Variants in FGD6 observed in about 807,000 individuals in gnomAD.
FGD6 encodes the protein FYVE, RhoGEF and PH domain-containing protein 6.
A neutral mutation model predicts 149.4 loss-of-function variants in FGD6; 90 were observed. That is an observed-to-expected ratio of 0.60 (90% CI 0.51 to 0.72). The LOEUF (loss-of-function observed/expected upper bound fraction) is 0.72, where lower values mean the gene tolerates loss of function less well. Ranked by LOEUF, FGD6 falls within the 30% of genes least tolerant of loss-of-function variation. FGD6 has a pLI of 0.00. For synonymous variants in FGD6, 527 were observed against 584.0 expected (o/e 0.90, Z 1.41); for missense variants, 1,437 against 1,684.8 (o/e 0.85, Z 2.57).
intron 2 of FGD6, among the ~76,000 whole-genome samples, chr12:95,181,974 A>T (rs1324148903): frequency 6.6e-6 from 1 of 151,948 alleles, no homozygotes; most frequent in Non-Finnish European, 1.5e-5. Context: ...CAAGTTCCCA[A>T]TCCAATTCCA....
intron 8 of FGD6, among the ~76,000 whole-genome samples, chr12:95,120,248 AATAAATAAATAAAT>A (rs1470113893): frequency 6.6e-6 from 1 of 151,664 alleles, no homozygotes; most frequent in Non-Finnish European, 1.5e-5. Context: ...AATAAAAATA[AATAAATAAATAAAT>A]AAATAAAGCA....
rs192279974 is a variant in FGD6 at position 95,101,862 on chromosome 12, T to C, written c.3497+3145A>G. On this transcript the variant is annotated intron_variant, in intron 14 of 20. Coordinates refer to ENST00000343958, the MANE Select transcript of FGD6 (RefSeq NM_018351.4). ...CACACCCGGCTAATTTTTGTATTTT[T>C]AGTAGAGACGGGGTTTCCCCACGTT... is the stretch of plus-strand genomic sequence containing the variant. Among the ~76,000 whole-genome samples the C allele has an allele frequency of 3.1e-4, 47 of 151,910 alleles. No homozygotes were observed. In the East Asian group the frequency reaches 8.1e-3, roughly 26 times the overall value.
At chr12:95,178,212 T>C (rs1881187061) in intron 2 of FGD6, among the ~76,000 whole-genome samples, 1 of 152,180 alleles carries the variant, frequency 6.6e-6, no homozygotes, top group Non-Finnish European at 1.5e-5. Context: ...ACTTGTGAAA[T>C]AGGCATAGTT....
At chr12:95,088,884 T>C (rs1319967994) in intron 18 of FGD6, among the ~76,000 whole-genome samples, 2 of 152,226 alleles carry the variant, frequency 1.3e-5, no homozygotes, top group Non-Finnish European at 2.9e-5. Context: ...CCTTCCACTA[T>C]GTATGCTAGA....
At chr12:95,108,864 TTG>T (rs1878719619) in intron 9 of FGD6, among the ~76,000 whole-genome samples, 1 of 152,206 alleles carries the variant, frequency 6.6e-6, no homozygotes, top group Non-Finnish European at 1.5e-5. Flanking sequence ...CAGGGTTGTT[TTG>T]TGCTGTGATT....
chr12:95,201,089 A>G (rs2056658053), intron 2 of FGD6, among the ~76,000 whole-genome samples: 1 of 152,174 alleles, frequency 6.6e-6, no homozygotes, highest in African/African-American at 2.4e-5. Context: ...CCAGGAATAG[A>G]TAATGAATTT....
chr12:95,112,771 T>A (rs6538594), intron 9 of FGD6, among the ~76,000 whole-genome samples: 2 of 151,940 alleles, frequency 1.3e-5, no homozygotes, highest in Non-Finnish European at 2.9e-5. Context: ...GGAACTCCAA[T>A]TATCCCACTA....
At chr12:95,153,712 G>A (rs1880374323) in intron 3 of FGD6, among the ~76,000 whole-genome samples, 2 of 151,972 alleles carry the variant, frequency 1.3e-5, no homozygotes, top group African/African-American at 4.8e-5. Context: ...TATCCAATAG[G>A]AATGTAGATG....
At chr12:95,139,933 G>A (rs925361996) in intron 6 of FGD6, among the ~76,000 whole-genome samples, 5 of 152,024 alleles carry the variant, frequency 3.3e-5, no homozygotes, top group African/African-American at 4.8e-5. Flanking sequence ...CACCGTGCTC[G>A]GCCTATCACG....
At chr12:95,152,747 A>C in intron 5 of FGD6, 64 bp downstream of exon 5, 3 of 1,453,774 alleles carry the variant, frequency 2.1e-6, no homozygotes, top group Non-Finnish European at 2.8e-6. Flanking sequence ...GAAAACTTCT[A>C]GGGGTAGGGA....
chr12:95,200,028 A>G (rs1881831088), intron 2 of FGD6, among the ~76,000 whole-genome samples: 1 of 152,244 alleles, frequency 6.6e-6, no homozygotes, highest in African/African-American at 2.4e-5. Flanking sequence ...CAGTTGCCCA[A>G]CAATTCAAAA....
intron 2 of FGD6, among the ~76,000 whole-genome samples, chr12:95,194,857 TTCTC>T (rs1332153638): frequency 1.3e-5 from 2 of 152,188 alleles, no homozygotes; most frequent in Admixed American, 1.3e-4. Context: ...GCAGACTAGT[TTCTC>T]TCTCTATTGT....
At chr12:95,196,989 G>C (rs1027190322) in intron 2 of FGD6, among the ~76,000 whole-genome samples, 1 of 152,128 alleles carries the variant, frequency 6.6e-6, no homozygotes, top group Non-Finnish European at 1.5e-5. Context: ...GTTTTACCTT[G>C]GAAGTAGATT....
Position 95,133,522 on chromosome 12 carries a change from A to C in FGD6, c.3082+1217T>G, listed in dbSNP as rs577536236. The stretch of plus-strand genomic sequence containing the variant: ...TTTCAGGATTCACCTATTATCTCCA[A>C]TATAGCTCTTGGCTTAAGAGAGTGA... On this transcript the variant is annotated intron_variant, in intron 8 of 20. Coordinates refer to ENST00000343958, the MANE Select transcript of FGD6 (RefSeq NM_018351.4). Among the ~76,000 whole-genome samples the C allele has an allele frequency of 7.2e-5, 11 of 152,330 alleles. No individual in the cohort carries two copies. In the South Asian group the frequency reaches 2.3e-3, roughly 32 times the overall value.
intron 1 of FGD6, among the ~76,000 whole-genome samples, chr12:95,212,134 G>C (rs1269103050): frequency 6.6e-6 from 1 of 152,134 alleles, no homozygotes; most frequent in African/African-American, 2.4e-5. Flanking sequence ...CTTTCTCCAA[G>C]AGTTATTGGT....
chr12:95,102,600 T>C (rs1878486730), intron 14 of FGD6, among the ~76,000 whole-genome samples: 1 of 152,190 alleles, frequency 6.6e-6, no homozygotes, highest in South Asian at 2.1e-4. Context: ...TTCTGACTGC[T>C]AGCTGCGAAG....
At position 95,152,823 on chromosome 12, in the gene FGD6, T is replaced by C. The variant is rs1880348334; in HGVS notation, c.2673A>G (p.Lys891=). Residue 891 remains lysine, a synonymous_variant, in exon 5 of 21, where the codon AAA becomes AAG. Coordinates refer to ENST00000343958, the MANE Select transcript of FGD6 (RefSeq NM_018351.4). ...SSEKVFVDVL[K]LLHIDFRDAV... is the part of the protein sequence containing the mutation. Reference sequence around the variant, plus strand: ...AGCAGATACTTACAATATGCAAAAGTTTTAACACATCCACAAACCTGTAAA... The same window carrying C: ...AGCAGATACTTACAATATGCAAAAGCTTTAACACATCCACAAACCTGTAAA... The C allele has an allele frequency of 6.2e-7, 1 of 1,613,118 alleles. No homozygotes were observed. Among genetic ancestry groups the C allele is most frequent in the South Asian group, 1.1e-5 (1 of 90,974 alleles).
chr12:95,082,025 T>G (rs1486984657), intron 20 of FGD6, among the ~76,000 whole-genome samples: 1 of 152,136 alleles, frequency 6.6e-6, no homozygotes, highest in Non-Finnish European at 1.5e-5. Flanking sequence ...GAACTACCCT[T>G]TATTTGGTAA....
At chr12:95,206,698 GAA>G (rs746280054) in intron 2 of FGD6, among the ~76,000 whole-genome samples, 21 of 114,816 alleles carry the variant, frequency 1.8e-4, no homozygotes, top group East Asian at 5.1e-4. Context: ...TGTCTCCAAA[GAA>G]AAAAAAAAAA....
Sources: allele counts gnomAD v4.1 joint callset (sites outside exome capture counted in the v4.1 genomes callset), GRCh38; gene constraint gnomAD v4.1.1; transcripts MANE v1.5; gene names NCBI Gene and HGNC (gene_info 2026-07-23, HGNC 2026-07-21).